SOX5: variants seen among roughly 807,000 people sequenced by gnomAD.
The protein encoded by SOX5 is transcription factor SOX-5.
Under a neutral mutation model 92.0 loss-of-function variants are expected in SOX5, and 9 were observed. The observed-to-expected ratio is 0.10, with a 90% CI of 0.06 to 0.17. The LOEUF is 0.17. SOX5 is among the 10% of genes least tolerant of loss of function. The probability of loss-of-function intolerance (pLI) is 1.00; values close to 1 mark genes in which losing one functional copy is unlikely to be tolerated. For synonymous variants in SOX5, 344 were observed against 336.3 expected (o/e 1.02, Z -0.25); for missense variants, 642 against 944.5 (o/e 0.68, Z 4.20).
Position 24,324,609 on chromosome 12 carries a change from A to C in SOX5, c.-174+43954T>G, listed in dbSNP as rs181764874. On this transcript the variant is annotated intron_variant, in intron 2 of 4. Transcript: ENST00000446891. ...CTATATCCTCTCATATTTGTGACAA[A>C]TATATAGCATAGTAGTTAAAAGCCC... 2.9e-3 allele frequency among the ~76,000 whole-genome samples: 436 copies of C among 152,262 alleles called. 3 individuals are homozygous for C. Among genetic ancestry groups the C allele is most frequent in the Non-Finnish European group, 2.0e-3 (137 of 68,000 alleles).
At chr12:24,521,192 T>C (rs1042491429) in intron 1 of SOX5, among the ~76,000 whole-genome samples, 12 of 152,258 alleles carry the variant, frequency 7.9e-5, no homozygotes, top group Admixed American at 2.0e-4. Flanking sequence ...GTAGCTGGGA[T>C]TACAGGCGTT....
At chr12:23,833,914 T>C (rs1290501507) in intron 3 of SOX5, among the ~76,000 whole-genome samples, 1 of 151,926 alleles carries the variant, frequency 6.6e-6, no homozygotes, top group African/African-American at 2.4e-5. Flanking sequence ...TTAGCAAGGC[T>C]ACAAAATGTC....
At chr12:24,080,157 C>A (rs894212801) in intron 4 of SOX5, among the ~76,000 whole-genome samples, 1 of 151,806 alleles carries the variant, frequency 6.6e-6, no homozygotes, top group African/African-American at 2.4e-5. Flanking sequence ...CAAATTACTG[C>A]ATGTAAGATA....
chr12:24,037,324 C>T (rs1200959857), intron 4 of SOX5, among the ~76,000 whole-genome samples: 2 of 152,226 alleles, frequency 1.3e-5, no homozygotes, highest in Middle Eastern at 3.4e-3. Flanking sequence ...ACATTCACCC[C>T]CTTGGAGCCT....
At chr12:24,511,493 T>C (rs1949298820) in intron 1 of SOX5, among the ~76,000 whole-genome samples, 1 of 152,226 alleles carries the variant, frequency 6.6e-6, no homozygotes, top group Non-Finnish European at 1.5e-5. Flanking sequence ...CATATATTTT[T>C]AAAGCTTCTA....
intron 4 of SOX5, among the ~76,000 whole-genome samples, chr12:24,049,649 T>G (rs1957373248): frequency 1.8e-5 from 1 of 54,370 alleles, no homozygotes; most frequent in African/African-American, 5.3e-5. Flanking sequence ...TTTTTTTTTT[T>G]TTTTTTTTTT....
chr12:24,034,558 A>G (rs1456708829), intron 4 of SOX5, among the ~76,000 whole-genome samples: 2 of 143,074 alleles, frequency 1.4e-5, no homozygotes, highest in African/African-American at 5.1e-5. Flanking sequence ...CTCATCACCA[A>G]TGCTCGGGAG....
At chr12:24,111,762 T>C (rs536943294) in intron 4 of SOX5, among the ~76,000 whole-genome samples, 9 of 152,174 alleles carry the variant, frequency 5.9e-5, no homozygotes, top group Non-Finnish European at 1.3e-4. Context: ...TCTTCAAATA[T>C]GTGATGACTC....
At chr12:24,545,731 A>C (rs1952562801) in intron 1 of SOX5, among the ~76,000 whole-genome samples, 1 of 152,210 alleles carries the variant, frequency 6.6e-6, no homozygotes, top group African/African-American at 2.4e-5. Context: ...AGCTGCCAGG[A>C]GTATCGGCTG....
intron 3 of SOX5, among the ~76,000 whole-genome samples, chr12:23,826,717 A>AAAATT (rs1434261733): frequency 1.3e-5 from 2 of 152,060 alleles, no homozygotes; most frequent in African/African-American, 4.8e-5. Flanking sequence ...AAAAGTAGAG[A>AAAATT]AGGAAAACAG....
rs1400696963 is a variant in SOX5 at position 24,111,169 on chromosome 12, T to TA, written c.-2+102173dup. On this transcript the variant is annotated intron_variant, in intron 4 of 4. Transcript: ENST00000446891. ...ACATTGCCAAATGTCCCACGGGAGG[T>TA]AAAAATCACCCCCCATTGAAAACAC... Among the ~76,000 whole-genome samples the TA allele has an allele frequency of 2.0e-5, 3 of 150,394 alleles. No homozygotes were observed. In the Admixed American group the frequency reaches 2.0e-4, roughly 10 times the overall value.
rs1392275988 is a variant in SOX5, at chr12:23,531,975, G to C, written c.*2244C>G. On this transcript the variant is annotated 3_prime_UTR_variant, in exon 15 of 15. Transcript: ENST00000451604. ...TACATACATATATGAGTTGGAGATGGAAATTTGTTTTAAATATCTAACAGC... is the reference window on the plus strand; with the variant it reads ...TACATACATATATGAGTTGGAGATGCAAATTTGTTTTAAATATCTAACAGC... 4.7e-5 allele frequency: 7 copies of C among 150,506 alleles called. No individual in the cohort carries two copies. The highest frequency in any genetic ancestry group is 1.0e-4 in the Non-Finnish European group (7 of 67,722). The allele number at this position is 150,506 out of a possible 1,614,324, so 9.3% of individuals were successfully genotyped here. A position where few individuals can be genotyped will look rare whatever the true frequency, so the allele number is the denominator to read the frequency against.
chr12:24,032,683 A>G (rs1399714578), intron 4 of SOX5, among the ~76,000 whole-genome samples: 3 of 151,922 alleles, frequency 2.0e-5, no homozygotes, highest in Admixed American at 6.6e-5. Flanking sequence ...CCAGGTAGGT[A>G]AAACTACTAA....
intron 1 of SOX5, among the ~76,000 whole-genome samples, chr12:24,397,590 G>A (rs1313854130): frequency 6.6e-6 from 1 of 151,934 alleles, no homozygotes; most frequent in East Asian, 1.9e-4. Flanking sequence ...GTGTATTGTA[G>A]AGGGGCCAAA....
At chr12:24,123,787 A>G (rs560760373) in intron 4 of SOX5, among the ~76,000 whole-genome samples, 3 of 152,232 alleles carry the variant, frequency 2.0e-5, no homozygotes, top group Non-Finnish European at 4.4e-5. Flanking sequence ...TGTGTGTACC[A>G]AAGCAAACTG....
intron 4 of SOX5, among the ~76,000 whole-genome samples, chr12:24,068,862 G>A (rs1592855997): frequency 2.0e-5 from 3 of 150,788 alleles, no homozygotes; most frequent in South Asian, 4.2e-4. Flanking sequence ...GACCCTAAAA[G>A]TGCCCTGAAA....
At chr12:24,518,949 T>G (rs1421167005) in intron 1 of SOX5, among the ~76,000 whole-genome samples, 1 of 152,182 alleles carries the variant, frequency 6.6e-6, no homozygotes, top group Non-Finnish European at 1.5e-5. Flanking sequence ...GTTTTCTAAC[T>G]TCCTTAAATA....
At chr12:23,755,219 C>A (rs11047084) in intron 4 of SOX5, among the ~76,000 whole-genome samples, 11,312 of 151,702 alleles carry the variant, frequency 0.075, 1,412 homozygotes, top group African/African-American at 0.26. Flanking sequence ...ATGCTCTCCC[C>A]TTTCATCATT....
intron 3 of SOX5, among the ~76,000 whole-genome samples, chr12:23,799,613 A>G (rs1233123171): frequency 6.6e-6 from 1 of 152,080 alleles, no homozygotes; most frequent in Non-Finnish European, 1.5e-5. Flanking sequence ...TTTATACTAG[A>G]AAAATTCATG....
Sources: gnomAD v4.1 joint callset for allele counts (sites outside exome capture counted in the v4.1 genomes callset) on GRCh38, gnomAD v4.1.1 for gene constraint, MANE v1.5 for transcripts, NCBI Gene and HGNC (gene_info 2026-07-23, HGNC 2026-07-21) for gene names.